PHTF2: variants seen among roughly 807,000 people sequenced by gnomAD.
PHTF2 encodes protein PHTF2.
Under a neutral mutation model 101.2 loss-of-function variants are expected in PHTF2, and 60 were observed. The ratio of observed to expected loss-of-function variants is 0.59; its 90% confidence interval spans 0.48 to 0.73. PHTF2 has a LOEUF of 0.73. Among genes scored for constraint, PHTF2 ranks in the 30% least tolerant of loss-of-function variants. PHTF2 has a pLI of 0.00. For missense variants in PHTF2, 747 were observed against 908.7 expected, an observed-to-expected ratio of 0.82 and a Z score of 2.29; for synonymous variants, 311 against 307.3, an observed-to-expected ratio of 1.01 and a Z score of -0.13.
At chr7:77,946,054 A>G (rs1322923439) in intron 16 of PHTF2, among the ~76,000 whole-genome samples, 1 of 152,208 alleles carries the variant, frequency 6.6e-6, no homozygotes, top group Admixed American at 6.5e-5. Flanking sequence ...ATTAGATACA[A>G]AATTCCTCAA....
At chr7:77,839,708 T>G (rs955980717) in intron 1 of PHTF2, among the ~76,000 whole-genome samples, 3 of 152,226 alleles carry the variant, frequency 2.0e-5, no homozygotes, top group African/African-American at 7.2e-5. Flanking sequence ...TAATATTGGC[T>G]TAGTATTTAA....
intron 3 of PHTF2, among the ~76,000 whole-genome samples, chr7:77,891,949 C>A (rs1407531287): frequency 6.6e-6 from 1 of 152,136 alleles, no homozygotes; most frequent in Admixed American, 6.5e-5. Context: ...ATAGGATTTA[C>A]AGGACCAGAA....
intron 1 of PHTF2, among the ~76,000 whole-genome samples, chr7:77,838,068 T>C (rs1795605559): frequency 6.6e-6 from 1 of 152,172 alleles, no homozygotes; most frequent in Admixed American, 6.5e-5. Context: ...CTTGAGGGGA[T>C]AGGTTATAAC....
At chr7:77,917,948 G>C (rs1252475823) in intron 9 of PHTF2, among the ~76,000 whole-genome samples, 3 of 152,178 alleles carry the variant, frequency 2.0e-5, no homozygotes, top group Non-Finnish European at 4.4e-5. Context: ...TGTCTGCTGA[G>C]AGTGTAGCAT....
chr7:77,908,481 TTTGA>T (rs1385722772), intron 7 of PHTF2, among the ~76,000 whole-genome samples: 1 of 152,244 alleles, frequency 6.6e-6, no homozygotes, highest in Admixed American at 6.5e-5. Flanking sequence ...AGGGTAGTTC[TTTGA>T]TTGTCTGTGA....
exon 10 of PHTF2, chr7:77,920,389 A>G (rs773401003): frequency 1.9e-6 from 3 of 1,613,440 alleles, no homozygotes; most frequent in South Asian, 1.1e-5. Context: ...ATACAAAACC[A>G]TGAACCTCAG....
At chr7:77,933,922 A>G (rs986065892) in intron 12 of PHTF2, among the ~76,000 whole-genome samples, 2 of 152,214 alleles carry the variant, frequency 1.3e-5, no homozygotes, top group Non-Finnish European at 2.9e-5. Context: ...CCTTTTTGGT[A>G]AGATAAAATT....
chr7:77,819,564 T>C (rs1229103597), intron 1 of PHTF2, among the ~76,000 whole-genome samples: 2 of 152,246 alleles, frequency 1.3e-5, no homozygotes, highest in African/African-American at 4.8e-5. Context: ...GAACCGTCCT[T>C]GCGTTCCTCA....
At chr7:77,853,489 G>T (rs1367937378) in intron 2 of PHTF2, among the ~76,000 whole-genome samples, 1 of 151,844 alleles carries the variant, frequency 6.6e-6, no homozygotes, top group Non-Finnish European at 1.5e-5. Flanking sequence ...TGCCTCCTTG[G>T]TTCAAGCAAT....
intron 7 of PHTF2, among the ~76,000 whole-genome samples, chr7:77,903,012 G>T (rs1801537892): frequency 6.6e-6 from 1 of 152,020 alleles, no homozygotes; most frequent in Non-Finnish European, 1.5e-5. Flanking sequence ...AAGAAAAAAA[G>T]AACTACCCAT....
chr7:77,923,453 G>A, intron 11 of PHTF2: 1 of 985,226 alleles, frequency 1.0e-6, no homozygotes, highest in Non-Finnish European at 1.2e-6. Context: ...GGTTAAACTT[G>A]TAAAACAAAC....
At chr7:77,813,409 C>A (rs906314690) in intron 1 of PHTF2, among the ~76,000 whole-genome samples, 10 of 152,196 alleles carry the variant, frequency 6.6e-5, no homozygotes, top group African/African-American at 2.2e-4. Context: ...CTGACCATTG[C>A]ATTTAGCGAC....
At chr7:77,852,709 T>C (rs566314492) in intron 2 of PHTF2, among the ~76,000 whole-genome samples, 11 of 152,328 alleles carry the variant, frequency 7.2e-5, no homozygotes, top group Admixed American at 2.0e-4. Context: ...ATGTTTCTTA[T>C]TGCTTTTTAA....
At chr7:77,915,810 C>T (rs752266438) in intron 9 of PHTF2, among the ~76,000 whole-genome samples, 4 of 152,044 alleles carry the variant, frequency 2.6e-5, no homozygotes, top group Non-Finnish European at 5.9e-5. Context: ...TAAATAAAAG[C>T]GTGTATAGAG....
At chr7:77,915,616 A>G (rs1418688782) in intron 9 of PHTF2, among the ~76,000 whole-genome samples, 1 of 152,144 alleles carries the variant, frequency 6.6e-6, no homozygotes, top group Non-Finnish European at 1.5e-5. Flanking sequence ...AAACATTTTC[A>G]CTGATTTCAT....
chr7:77,951,033 TC>T (rs1806490780), intron 17 of PHTF2, among the ~76,000 whole-genome samples: 1 of 152,238 alleles, frequency 6.6e-6, no homozygotes, highest in Non-Finnish European at 1.5e-5. Context: ...GCTTGCTTCT[TC>T]CACTGGCTTG....
intron 3 of PHTF2, among the ~76,000 whole-genome samples, chr7:77,891,455 A>G (rs995730376): frequency 1.5e-4 from 23 of 152,128 alleles, no homozygotes; most frequent in African/African-American, 5.6e-4. Context: ...GTTTACCTAG[A>G]GTTTCTTAAT....
intron 3 of PHTF2, among the ~76,000 whole-genome samples, chr7:77,878,704 A>G (rs1799151988): frequency 6.6e-6 from 1 of 152,234 alleles, no homozygotes; most frequent in Non-Finnish European, 1.5e-5. Flanking sequence ...AGATGGAGTC[A>G]GCTATGTCAG....
rs534325005 is a variant in PHTF2 at position 77,918,471 on chromosome 7, G to A, written c.777-1808G>A. On this transcript the variant is annotated intron_variant, in intron 9 of 19. Coordinates refer to ENST00000416283, the Ensembl canonical transcript of PHTF2. ...TTCCTCTCCCTTCTCAGCCCAGTCTGATTTTCATGAACCTTTATAAATACC... is the reference window on the plus strand; with the variant it reads ...TTCCTCTCCCTTCTCAGCCCAGTCTAATTTTCATGAACCTTTATAAATACC... Among the ~76,000 whole-genome samples, 396 of 152,204 alleles carry A rather than the reference G, an allele frequency of 2.6e-3. 1 individual carries two copies. Among genetic ancestry groups the A allele is most frequent in the African/African-American group, 9.2e-3 (384 of 41,534 alleles).
Sources: allele counts gnomAD v4.1 joint callset (sites outside exome capture counted in the v4.1 genomes callset), GRCh38; gene constraint gnomAD v4.1.1; transcripts MANE v1.5; gene names NCBI Gene and HGNC (gene_info 2026-07-23, HGNC 2026-07-21).